ZMYM5: variants seen among roughly 807,000 people sequenced by gnomAD.
The protein encoded by ZMYM5 is zinc finger MYM-type protein 5.
Under a neutral mutation model 61.8 loss-of-function variants are expected in ZMYM5, and 41 were observed. The observed-to-expected ratio is 0.66, with a 90% confidence interval of 0.52 to 0.86. The LOEUF (loss-of-function observed/expected upper bound fraction) is 0.86, where lower values mean the gene tolerates loss of function less well. ZMYM5 is among the 40% of genes least tolerant of loss of function. The pLI, the probability that ZMYM5 is intolerant of heterozygous loss-of-function variation, is 0.00. For synonymous variants in ZMYM5, 257 were observed against 276.4 expected (o/e 0.93, Z 0.70); for missense variants, 706 against 786.7 (o/e 0.90, Z 1.23).
chr13:19,859,738 C>G lies in ZMYM5; in HGVS notation c.-11+2661G>C, dbSNP rs570958672. 2.6e-4 allele frequency among the ~76,000 whole-genome samples: 39 copies of G among 151,724 alleles called. No homozygotes were observed. The South Asian group carries it at 7.7e-3, about 30-fold the overall frequency. ...TCCCAATTCTTAATCATAAATAAAA[C>G]AGTCAAGAATTATGCAATATATGTA... On this transcript the variant is annotated intron_variant, in intron 2 of 7. Coordinates refer to ENST00000337963, the MANE Select transcript of ZMYM5 (RefSeq NM_001142684.2).
Position 19,825,235 on chromosome 13 carries a change from T to C in ZMYM5, c.1252A>G (p.Met418Val), listed in dbSNP as rs767871283. ...CQSCINEYKQMMETKSKKLTA... is the reference protein window; with the variant it reads ...CQSCINEYKQVMETKSKKLTA... ...AATTTTTTTGATTTTGTTTCCATCA[T>C]CTGAGGACAAAGAGGATTATAATTT... The change falls in exon 8 of 8, where the codon ATG becomes GTG. Residue 418 changes from methionine (M) to valine (V), a missense_variant and splice_region_variant. Met to Val is a conservative substitution (Grantham distance 21). This residue lies in a region of ZMYM5 where 226 missense variants were observed against 325.0 expected (regional missense o/e 0.70). Coordinates refer to ENST00000337963, the MANE Select transcript of ZMYM5 (RefSeq NM_001142684.2). The C allele has an allele frequency of 2.4e-6, 3 of 1,255,074 alleles. No individual in the cohort carries two copies. The South Asian group carries it at 4.2e-5, about 17-fold the overall frequency. The allele number at this position is 1,255,074 out of a possible 1,614,324, so 77.7% of individuals were successfully genotyped here. A position where few individuals can be genotyped will look rare whatever the true frequency, so the allele number is the denominator to read the frequency against.
intron 4 of ZMYM5, among the ~76,000 whole-genome samples, chr13:19,839,538 ATTTT>A (rs980432962): frequency 6.6e-6 from 1 of 150,956 alleles, no homozygotes; most frequent in Non-Finnish European, 1.5e-5. Context: ...ACCCAGCTAA[ATTTT>A]TTTTTCTATT....
chr13:19,852,089 A>G lies in ZMYM5; in HGVS notation c.92T>C (p.Ile31Thr). ...NMAMATSLMD[I>T]GDSFGHPACP... ...AGCTGGATGACCAAATGAATCCCCT[A>G]TGTCCATGAGACTAGTTGCCATGGC... The change falls in exon 3 of 8, where the codon ATA (isoleucine) becomes ACA (threonine). Residue 31 changes from isoleucine to threonine, a missense_variant. This residue lies in a region of ZMYM5 where 480 missense variants were observed against 461.7 expected (regional missense o/e 1.04). Coordinates refer to ENST00000337963, the MANE Select transcript of ZMYM5 (RefSeq NM_001142684.2). 1.2e-6 allele frequency: 2 copies of G among 1,613,882 alleles called. No homozygotes were observed. Among genetic ancestry groups the G allele is most frequent in the Non-Finnish European group, 1.7e-6 (2 of 1,180,002 alleles).
At chr13:19,833,619 GGC>G (rs759145588) in intron 7 of ZMYM5, among the ~76,000 whole-genome samples, 18 of 151,910 alleles carry the variant, frequency 1.2e-4, no homozygotes, top group Non-Finnish European at 2.5e-4. Flanking sequence ...ATGAATCACA[GGC>G]CTAAAAAATA....
chr13:19,828,012 C>G (rs1304548733), intron 7 of ZMYM5, among the ~76,000 whole-genome samples: 2 of 80,940 alleles, frequency 2.5e-5, no homozygotes, highest in Admixed American at 3.5e-4. Flanking sequence ...GAGCGAGACT[C>G]CATCTCAAAA....
rs1952751212 is a variant in ZMYM5 at position 19,838,619 on chromosome 13, C to T, written c.872+81G>A. 4.0e-6 allele frequency: 6 copies of T among 1,506,526 alleles called. No individual in the cohort carries two copies. In the Admixed American group the frequency reaches 1.1e-4, roughly 28 times the overall value. 93.3% of individuals were successfully genotyped at this position (1,506,526 alleles called of 1,614,324 possible). ...GCAACAATTCTACCCATAAATCTATCCAGCTCTGCAGTTATATTGAGTACT... is the reference window on the plus strand; with the variant it reads ...GCAACAATTCTACCCATAAATCTATTCAGCTCTGCAGTTATATTGAGTACT... On this transcript the variant is annotated intron_variant, in intron 5 of 7. Transcript: ENST00000337963.
chr13:19,845,392 C>T (rs1280265413), intron 4 of ZMYM5, among the ~76,000 whole-genome samples: 1 of 152,164 alleles, frequency 6.6e-6, no homozygotes, highest in Non-Finnish European at 1.5e-5. Context: ...GGCACTAAAC[C>T]GTACTAGCAG....
chr13:19,825,864 A>G (rs990172509), intron 7 of ZMYM5, among the ~76,000 whole-genome samples: 12 of 152,028 alleles, frequency 7.9e-5, no homozygotes, highest in Non-Finnish European at 1.5e-5. Flanking sequence ...AATATGGCGA[A>G]ACCCCGTCTC....
rs1170704603 is a variant in ZMYM5 at position 19,825,648 on chromosome 13, AAAG to A, written c.1252-416_1252-414del. Among the ~76,000 whole-genome samples the A allele has an allele frequency of 4.1e-4, 62 of 151,852 alleles. 1 individual carries two copies. The East Asian group carries it at 4.8e-3, about 12-fold the overall frequency. ...GGCGAAAGAGTGAGACCCTGTCCCA[AAAG>A]AAGAAGAAGAAGAAAAAAAAAAAGG... On this transcript the variant is annotated intron_variant, in intron 7 of 7. Transcript: ENST00000337963.
At chr13:19,841,240 G>A (rs777749009) in intron 4 of ZMYM5, among the ~76,000 whole-genome samples, 11 of 152,174 alleles carry the variant, frequency 7.2e-5, no homozygotes, top group Non-Finnish European at 1.5e-4. Context: ...GGGATTACAG[G>A]CGTGAGCCAC....
At chr13:19,830,763 C>G (rs1046276493) in intron 7 of ZMYM5, among the ~76,000 whole-genome samples, 1 of 151,948 alleles carries the variant, frequency 6.6e-6, no homozygotes. Flanking sequence ...TGAGCTCAAG[C>G]GATCCACTCG....
intron 4 of ZMYM5, among the ~76,000 whole-genome samples, chr13:19,842,655 T>TTTAAAA (rs1952917029): frequency 7.5e-6 from 1 of 133,720 alleles, no homozygotes; most frequent in Non-Finnish European, 1.6e-5. Flanking sequence ...TTTTTTTAAT[T>TTTAAAA]AAAAAAAAAA....
At chr13:19,833,391 A>G (rs955222357) in intron 7 of ZMYM5, among the ~76,000 whole-genome samples, 10 of 152,312 alleles carry the variant, frequency 6.6e-5, no homozygotes, top group African/African-American at 2.4e-4. Flanking sequence ...TTGTTAAAAA[A>G]TCTTGTTTTT....
intron 4 of ZMYM5, among the ~76,000 whole-genome samples, chr13:19,840,539 A>C (rs188297403): frequency 2.0e-5 from 3 of 152,172 alleles, no homozygotes; most frequent in Admixed American, 2.0e-4. Context: ...ACACCTGGCT[A>C]ATTTTTTTAT....
chr13:19,844,220 G>A (rs909681223), intron 4 of ZMYM5, among the ~76,000 whole-genome samples: 1 of 152,108 alleles, frequency 6.6e-6, no homozygotes, highest in Non-Finnish European at 1.5e-5. Flanking sequence ...TAAGGTGGGT[G>A]GATGGCTTGA....
chr13:19,843,548 A>G (rs1222542889), intron 4 of ZMYM5: 4 of 152,118 alleles, frequency 2.6e-5, no homozygotes, highest in Non-Finnish European at 5.9e-5. Context: ...AGTGAAAGAA[A>G]TAAACAGGCA....
chr13:19,826,418 C>A (rs1243399980), intron 7 of ZMYM5, among the ~76,000 whole-genome samples: 1 of 151,812 alleles, frequency 6.6e-6, no homozygotes, highest in Admixed American at 6.6e-5. Context: ...ACCCTATGAC[C>A]CAGCAATTCC....
chr13:19,837,960 C>A, intron 5 of ZMYM5, 139 bp from the exon 6 acceptor site: 1 of 979,598 alleles, frequency 1.0e-6, no homozygotes, highest in Non-Finnish European at 1.4e-6. Flanking sequence ...TGCAGCAAAT[C>A]CACTTTTGGC....
Position 19,852,114 on chromosome 13 carries a change from C to T in ZMYM5, c.67G>A (p.Ala23Thr). The T allele has an allele frequency of 1.2e-6, 2 of 1,613,442 alleles. No individual in the cohort carries two copies. The highest frequency in any genetic ancestry group is 1.7e-4 in the Middle Eastern group (1 of 6,060). Residue 23 changes from alanine (A) to threonine (T), a missense_variant, in exon 3 of 8, where the codon GCC (alanine) becomes ACC (threonine). Ala to Thr is a moderately conservative substitution (Grantham distance 58). Around this residue, in one of 2 missense-constraint regions of ZMYM5, gnomAD observed 480 missense variants for 461.7 expected, o/e 1.04. Coordinates refer to ENST00000337963, the MANE Select transcript of ZMYM5 (RefSeq NM_001142684.2). Reference sequence around the variant, plus strand: ...ATGTCCATGAGACTAGTTGCCATGGCCATATTCCCTAATAAAGCAGGAGTC... The same window carrying T: ...ATGTCCATGAGACTAGTTGCCATGGTCATATTCCCTAATAAAGCAGGAGTC... Reference protein sequence around the residue: ...EQTPALLGNMAMATSLMDIGD... With the variant: ...EQTPALLGNMTMATSLMDIGD...
Sources: gnomAD v4.1 joint callset for allele counts (sites outside exome capture counted in the v4.1 genomes callset) on GRCh38, gnomAD v4.1.1 for gene constraint, gnomAD v4.1.1 regional missense constraint, MANE v1.5 for transcripts, NCBI Gene and HGNC (gene_info 2026-07-23, HGNC 2026-07-21) for gene names.